Variants in RALY observed in about 807,000 individuals in gnomAD.
RALY encodes RALY heterogeneous nuclear ribonucleoprotein.
In RALY, 15 loss-of-function variants were observed where a neutral mutation model predicts 30.7. That is an observed-to-expected ratio of 0.49 (90% CI 0.33 to 0.75). RALY has a LOEUF of 0.75. Ranked by LOEUF, RALY falls within the 30% of genes least tolerant of loss-of-function variation. RALY has a pLI of 0.02. For missense variants in RALY, 339 were observed against 414.3 expected (o/e 0.82, Z 1.58); for synonymous variants, 177 against 170.8 (o/e 1.04, Z -0.28).
intron 1 of RALY, 44 bp downstream of exon 1, chr20:33,994,175 T>C (rs542323651): frequency 2.6e-5 from 4 of 151,774 alleles, no homozygotes; most frequent in African/African-American, 9.7e-5. Context: ...GCGGGGAGGG[T>C]GTGTGCTTTG....
chr20:34,053,234 G>A (rs1292872855), intron 2 of RALY, among the ~76,000 whole-genome samples: 2 of 151,840 alleles, frequency 1.3e-5, no homozygotes, highest in Admixed American at 6.6e-5. Context: ...ACACAATCCC[G>A]TGACATAGAG....
In RALY at chr20:34,072,083, G is replaced by A; in HGVS notation, c.9G>A (p.Leu3=). 1 of 1,614,136 alleles carries A rather than the reference G, an allele frequency of 6.2e-7. No homozygotes were observed. Among genetic ancestry groups the A allele is most frequent in the Non-Finnish European group, 8.5e-7 (1 of 1,179,974 alleles). Reference sequence around the variant, plus strand: ...TTCTTCAGGTGGGCACCATGTCCTTGAAGCTTCAGGCAAGCAATGTAACCA... The same window carrying A: ...TTCTTCAGGTGGGCACCATGTCCTTAAAGCTTCAGGCAAGCAATGTAACCA... MS[L]KLQASNVTNK... is the part of the protein sequence containing the mutation. Residue 3 remains leucine, a synonymous_variant, in exon 3 of 10, where the codon TTG becomes TTA. Coordinates refer to ENST00000246194, the MANE Select transcript of RALY (RefSeq NM_016732.3).
At chr20:34,033,701 AAAC>A (rs2032370689) in intron 2 of RALY, among the ~76,000 whole-genome samples, 1 of 152,282 alleles carries the variant, frequency 6.6e-6, no homozygotes, top group African/African-American at 2.4e-5. Flanking sequence ...GTCCCGCCTT[AAAC>A]ATTGGGGATC....
chr20:34,022,243 A>G (rs539302455), intron 1 of RALY, among the ~76,000 whole-genome samples: 1 of 151,574 alleles, frequency 6.6e-6, no homozygotes, highest in South Asian at 2.1e-4. Flanking sequence ...CAAAGCTCTT[A>G]TTCTCTTCTC....
chr20:34,006,875 G>A (rs1352442523), intron 1 of RALY, among the ~76,000 whole-genome samples: 2 of 152,150 alleles, frequency 1.3e-5, no homozygotes, highest in Non-Finnish European at 2.9e-5. Flanking sequence ...ATGTATCCCC[G>A]TTGCTAAGTG....
At position 34,041,384 on chromosome 20, in the gene RALY, T is replaced by C. The variant is rs535702244; in HGVS notation, c.-10+9780T>C. ...GCAGTTTACCTTCAAGAAACCGTAC[T>C]GTGAAGAAACTGAAGGAATCTGCCT... On this transcript the variant is annotated intron_variant, in intron 2 of 9. Coordinates refer to ENST00000246194, the MANE Select transcript of RALY (RefSeq NM_016732.3). 5.9e-5 allele frequency among the ~76,000 whole-genome samples: 9 copies of C among 152,348 alleles called. No homozygotes were observed. In the East Asian group the frequency reaches 1.5e-3, roughly 26 times the overall value.
chr20:34,063,301 T>C (rs1483691065), intron 2 of RALY, among the ~76,000 whole-genome samples: 2 of 152,190 alleles, frequency 1.3e-5, no homozygotes, highest in African/African-American at 4.8e-5. Flanking sequence ...CTAGGTCATA[T>C]GGCATGTCAG....
At chr20:34,013,925 G>A (rs927851409) in intron 1 of RALY, among the ~76,000 whole-genome samples, 13 of 152,162 alleles carry the variant, frequency 8.5e-5, no homozygotes, top group African/African-American at 2.2e-4. Flanking sequence ...ATGACAGTGC[G>A]CTTTAAAGAA....
chr20:34,034,493 C>T (rs1051927659), intron 2 of RALY, among the ~76,000 whole-genome samples: 2 of 152,142 alleles, frequency 1.3e-5, no homozygotes, highest in Non-Finnish European at 2.9e-5. Flanking sequence ...GTAACAACTG[C>T]CCTGTGAAAA....
chr20:34,025,801 C>T (rs1264752788), intron 1 of RALY, among the ~76,000 whole-genome samples: 3 of 151,922 alleles, frequency 2.0e-5, no homozygotes, highest in African/African-American at 7.3e-5. Context: ...TTGCTTGATT[C>T]CCCACCCTTT....
At chr20:34,025,606 A>G (rs2031991847) in intron 1 of RALY, among the ~76,000 whole-genome samples, 2 of 151,962 alleles carry the variant, frequency 1.3e-5, no homozygotes, top group South Asian at 4.1e-4. Context: ...ACCTGGCCCA[A>G]CACCTTTCGG....
intron 2 of RALY, among the ~76,000 whole-genome samples, chr20:34,049,744 G>C (rs2033012894): frequency 1.3e-5 from 2 of 152,228 alleles, no homozygotes; most frequent in South Asian, 4.1e-4. Context: ...ACAATGTACA[G>C]ATGAGGAAAC....
chr20:34,009,992 A>G (rs1267244164), intron 1 of RALY, among the ~76,000 whole-genome samples: 1 of 152,182 alleles, frequency 6.6e-6, no homozygotes, highest in African/African-American at 2.4e-5. Context: ...TAAGTGAATT[A>G]TCTTCATTTT....
intron 2 of RALY, among the ~76,000 whole-genome samples, chr20:34,033,607 A>G (rs553578634): frequency 6.6e-6 from 1 of 151,974 alleles, no homozygotes; most frequent in Non-Finnish European, 1.5e-5. Flanking sequence ...GTGAGAATTC[A>G]CTCACTTCCC....
chr20:34,023,386 A>G (rs1417409366), intron 1 of RALY, among the ~76,000 whole-genome samples: 1 of 152,156 alleles, frequency 6.6e-6, no homozygotes, highest in African/African-American at 2.4e-5. Context: ...AAGGATACCC[A>G]GTTTTGGTGG....
rs552794564 is a variant in RALY, at chr20:34,070,234, G to A, written c.-9-1832G>A. Among the ~76,000 whole-genome samples, 7 of 152,268 alleles carry A rather than the reference G, an allele frequency of 4.6e-5. No homozygotes were observed. In the East Asian group the frequency reaches 1.3e-3, roughly 29 times the overall value. ...TTTTATCACCTGAAATGGCCTTAAG[G>A]TTAGGTTACTGAGATAGGAGGGTTC... On this transcript the variant is annotated intron_variant, in intron 2 of 9. Transcript: ENST00000246194.
rs144744229 is a variant in RALY at position 34,011,853 on chromosome 20, G to A, written c.-93+17722G>A. ...GGCCAAGGCAGGCAGATCGCTTGAG[G>A]TCAGGAGTTCAAGACTAGCCTGGCC... On this transcript the variant is annotated intron_variant, in intron 1 of 9. Coordinates refer to ENST00000246194, the MANE Select transcript of RALY (RefSeq NM_016732.3). Among the ~76,000 whole-genome samples, 629 of 152,174 alleles carry A rather than the reference G, an allele frequency of 4.1e-3. 5 individuals are homozygous for A. The highest frequency in any genetic ancestry group is 0.014 in the African/African-American group (601 of 41,524).
intron 1 of RALY, among the ~76,000 whole-genome samples, chr20:33,999,977 C>T (rs949207701): frequency 8.5e-5 from 13 of 152,116 alleles, no homozygotes; most frequent in Non-Finnish European, 1.3e-4. Flanking sequence ...AGAGGTATTT[C>T]TTTCTTCTTC....
In RALY at chr20:34,076,688, C is replaced by T. The variant is rs765880578; in HGVS notation, c.545-14C>T. On this transcript the variant is annotated splice_polypyrimidine_tract_variant and intron_variant, in intron 6 of 9. Transcript: ENST00000246194. ...GCCCCCTAGGTGACAGCCCTGTCCC[C>T]CCTCCACTCCCAGTAAAGAGCAGTG... 3.1e-6 allele frequency: 5 copies of T among 1,611,752 alleles called. No individual in the cohort carries two copies. The highest frequency in any genetic ancestry group is 4.2e-6 in the Non-Finnish European group (5 of 1,178,404).
Sources: gnomAD v4.1 joint callset for allele counts (sites outside exome capture counted in the v4.1 genomes callset) on GRCh38, gnomAD v4.1.1 for gene constraint, MANE v1.5 for transcripts, NCBI Gene and HGNC (gene_info 2026-07-23, HGNC 2026-07-21) for gene names.